PBX3: variants seen among roughly 807,000 people sequenced by gnomAD.
PBX3 encodes pre-B-cell leukemia transcription factor 3.
A neutral mutation model predicts 48.5 loss-of-function variants in PBX3; 14 were observed. That is an observed-to-expected ratio of 0.29 (90% CI 0.19 to 0.45). The LOEUF (loss-of-function observed/expected upper bound fraction) is 0.45, where lower values mean the gene tolerates loss of function less well. PBX3 is among the 20% of genes least tolerant of loss of function. The pLI is 1.00. For synonymous variants in PBX3, 210 were observed against 200.3 expected, an observed-to-expected ratio of 1.05 and a Z score of -0.41; for missense variants, 386 against 546.7, an observed-to-expected ratio of 0.71 and a Z score of 2.93.
At chr9:125,769,217 G>A (rs1237830416) in intron 2 of PBX3, among the ~76,000 whole-genome samples, 2 of 152,196 alleles carry the variant, frequency 1.3e-5, no homozygotes, top group African/African-American at 4.8e-5. Context: ...AGTATAGTGT[G>A]GTGCCGCTGT....
At chr9:125,805,189 A>G (rs1372975628) in intron 2 of PBX3, among the ~76,000 whole-genome samples, 1 of 150,958 alleles carries the variant, frequency 6.6e-6, no homozygotes, top group African/African-American at 2.4e-5. Flanking sequence ...AAACTGGGAG[A>G]AGAGCATTCC....
chr9:125,760,290 G>A (rs1035381846), intron 2 of PBX3, among the ~76,000 whole-genome samples: 11 of 152,116 alleles, frequency 7.2e-5, no homozygotes, highest in Non-Finnish European at 1.6e-4. Context: ...CAGTTCTCAA[G>A]ACTTCATATG....
intron 2 of PBX3, among the ~76,000 whole-genome samples, chr9:125,768,262 A>G (rs1218922044): frequency 6.6e-6 from 1 of 152,122 alleles, no homozygotes; most frequent in African/African-American, 2.4e-5. Flanking sequence ...TAAGTAGATG[A>G]TTTATTGGGT....
chr9:125,855,835 A>G (rs1018462161), intron 2 of PBX3, among the ~76,000 whole-genome samples: 1 of 152,174 alleles, frequency 6.6e-6, no homozygotes, highest in African/African-American at 2.4e-5. Context: ...ATACTGATCA[A>G]TAGTTCCCAT....
chr9:125,965,835 A>G lies in PBX3; in HGVS notation c.1217A>G (p.Asn406Ser), dbSNP rs781521718. 1 of 1,613,654 alleles carries G rather than the reference A, an allele frequency of 6.2e-7. No individual in the cohort carries two copies. The highest frequency in any genetic ancestry group is 8.5e-7 in the Non-Finnish European group (1 of 1,179,534). ...SLYSPHNLNA[N>S]GGWQDATTPS... Reference sequence around the variant, plus strand: ...GAACTGTGTTTCTCCTTTCAGGCTAATGGAGGCTGGCAGGACGCAACAACT... The same window carrying G: ...GAACTGTGTTTCTCCTTTCAGGCTAGTGGAGGCTGGCAGGACGCAACAACT... Residue 406 changes from asparagine (N) to serine (S), a missense_variant, in exon 9 of 9, where the codon AAT becomes AGT. Around this residue, in one of 4 missense-constraint regions of PBX3, gnomAD observed 127 missense variants for 143.3 expected, o/e 0.89. Transcript: ENST00000373489.
At chr9:125,907,732 T>G (rs1356978186) in intron 2 of PBX3, among the ~76,000 whole-genome samples, 1 of 152,114 alleles carries the variant, frequency 6.6e-6, no homozygotes, top group East Asian at 1.9e-4. Context: ...AGTTGCAAAG[T>G]GAATTTAAAA....
At position 125,960,832 on chromosome 9, in the gene PBX3, C is replaced by A; in HGVS notation, c.992C>A (p.Pro331His). Reference sequence around the variant, plus strand: ...GTGCAGAACAACCAGACCAATTCGCCCACCACACCAAATTCCGGTGCGTAC... The same window carrying A: ...GTGCAGAACAACCAGACCAATTCGCACACCACACCAAATTCCGGTGCGTAC... ...AAVQNNQTNS[P>H]TTPNSGSSGS... Residue 331 changes from proline to histidine, a missense_variant, in exon 6 of 9, where the codon CCC becomes CAC. Physicochemically the swap from Pro to His is moderately conservative, Grantham distance 77. Coordinates refer to ENST00000373489, the MANE Select transcript of PBX3 (RefSeq NM_006195.6). 6.2e-7 allele frequency: 1 copy of A among 1,613,986 alleles called. No homozygotes were observed.
At chr9:125,839,306 T>C (rs141682660) in intron 2 of PBX3, among the ~76,000 whole-genome samples, 202 of 152,254 alleles carry the variant, frequency 1.3e-3, no homozygotes, top group African/African-American at 4.0e-3. Context: ...TCTCATTCAT[T>C]GTTGTAGATT....
At chr9:125,796,692 TA>T (rs1289971212) in intron 2 of PBX3, among the ~76,000 whole-genome samples, 2 of 152,142 alleles carry the variant, frequency 1.3e-5, no homozygotes, top group Admixed American at 1.3e-4. Flanking sequence ...TTTTCTTGAT[TA>T]AACATCACTG....
At chr9:125,748,014 C>G (rs999060916) in intron 1 of PBX3, among the ~76,000 whole-genome samples, 6 of 151,544 alleles carry the variant, frequency 4.0e-5, no homozygotes, top group Non-Finnish European at 7.4e-5. Context: ...GCGGGGAGTC[C>G]CGGCGCCGGC....
intron 5 of PBX3, among the ~76,000 whole-genome samples, chr9:125,952,894 C>T (rs1332526711): frequency 6.6e-6 from 1 of 151,910 alleles, no homozygotes; most frequent in African/African-American, 2.4e-5. Context: ...ACTTCTAAAC[C>T]CCACTGTACA....
intron 3 of PBX3, 34 bp downstream of exon 3, chr9:125,915,961 AC>A: frequency 6.2e-7 from 1 of 1,602,362 alleles, no homozygotes; most frequent in Non-Finnish European, 8.5e-7. Flanking sequence ...TCCTACACAA[AC>A]CCTCTGTTGC....
At chr9:125,858,116 C>T (rs961756623) in intron 2 of PBX3, among the ~76,000 whole-genome samples, 4 of 152,156 alleles carry the variant, frequency 2.6e-5, no homozygotes, top group African/African-American at 9.7e-5. Flanking sequence ...ATAATCCCAG[C>T]ACTTTGGGAG....
intron 6 of PBX3, 98 bp downstream of exon 6, chr9:125,960,947 A>AT: frequency 8.1e-7 from 1 of 1,227,840 alleles, no homozygotes; most frequent in East Asian, 2.5e-5. Context: ...CTGAGGACAG[A>AT]GTGGACTTAA....
intron 2 of PBX3, among the ~76,000 whole-genome samples, chr9:125,880,323 G>A (rs976653214): frequency 6.6e-6 from 1 of 152,220 alleles, no homozygotes; most frequent in Non-Finnish European, 1.5e-5. Flanking sequence ...GATTACAGGC[G>A]TGAGCCACTG....
chr9:125,911,889 A>G (rs1219830322), intron 2 of PBX3, among the ~76,000 whole-genome samples: 1 of 152,178 alleles, frequency 6.6e-6, no homozygotes, highest in Non-Finnish European at 1.5e-5. Flanking sequence ...GATATTATCT[A>G]TCTTCCCTGA....
intron 2 of PBX3, among the ~76,000 whole-genome samples, chr9:125,892,420 G>A (rs1460532546): frequency 6.6e-6 from 1 of 151,964 alleles, no homozygotes; most frequent in Admixed American, 6.6e-5. Context: ...GATAAATTAT[G>A]AATATATTTA....
chr9:125,934,271 C>T (rs958891632), intron 4 of PBX3, among the ~76,000 whole-genome samples: 2 of 152,156 alleles, frequency 1.3e-5, no homozygotes, highest in African/African-American at 4.8e-5. Flanking sequence ...ATATGAATGA[C>T]ACCATTTTGA....
At chr9:125,828,756 A>T (rs1040177443) in intron 2 of PBX3, among the ~76,000 whole-genome samples, 1 of 152,208 alleles carries the variant, frequency 6.6e-6, no homozygotes, top group Non-Finnish European at 1.5e-5. Flanking sequence ...AGTTTATTCA[A>T]TTTGTTAGAA....
Sources: allele counts gnomAD v4.1 joint callset (sites outside exome capture counted in the v4.1 genomes callset), GRCh38; gene constraint gnomAD v4.1.1; regional missense constraint gnomAD v4.1.1; transcripts MANE v1.5; gene names NCBI Gene and HGNC (gene_info 2026-07-23, HGNC 2026-07-21).